The following GPHN variants were observed in gnomAD, a reference collection of about 807,000 sequenced individuals.
GPHN encodes gephyrin.
Under a neutral mutation model 95.5 loss-of-function variants are expected in GPHN, and 17 were observed. The ratio of observed to expected loss-of-function variants is 0.18; its 90% CI spans 0.12 to 0.27. The LOEUF is 0.27. Ranked by LOEUF, GPHN falls within the 10% of genes least tolerant of loss-of-function variation. The pLI is 1.00. For synonymous variants in GPHN, 320 were observed against 322.5 expected (o/e 0.99, Z 0.08); for missense variants, 660 against 978.1 (o/e 0.67, Z 4.34).
At chr14:67,382,706 C>A in the GPHN span, 2 of 1,170,462 alleles carry the variant, frequency 1.7e-6, no homozygotes, top group Non-Finnish European at 2.5e-6. Flanking sequence ...GTCATTCAGG[C>A]CTTTGATCAC....
chr14:66,827,214 G>T (rs543084124), intron 4 of GPHN, among the ~76,000 whole-genome samples: 18 of 152,108 alleles, frequency 1.2e-4, no homozygotes, highest in African/African-American at 4.3e-4. Context: ...GAACCTGAGA[G>T]TAGAGGTTTC....
At chr14:67,128,347 C>A (rs1160723531) in intron 17 of GPHN, among the ~76,000 whole-genome samples, 1 of 151,908 alleles carries the variant, frequency 6.6e-6, no homozygotes, top group South Asian at 2.1e-4. Flanking sequence ...ACATCTGCCT[C>A]CCGGGTTCAA....
the GPHN span, among the ~76,000 whole-genome samples, chr14:67,610,498 G>A: frequency 6.6e-6 from 1 of 152,154 alleles, no homozygotes; most frequent in Non-Finnish European, 1.5e-5. Context: ...ATGAGCTGCT[G>A]TTGCTTCCTC....
At chr14:67,458,200 T>C in the GPHN span, among the ~76,000 whole-genome samples, 1 of 152,266 alleles carries the variant, frequency 6.6e-6, no homozygotes, top group Admixed American at 6.5e-5. Context: ...TTAGAGTGCG[T>C]ACAGGGTGAC....
At chr14:67,221,655 A>C in the GPHN span, 2 of 1,455,564 alleles carry the variant, frequency 1.4e-6, no homozygotes, top group Non-Finnish European at 1.9e-6. Flanking sequence ...GGTTTGCTAA[A>C]CGTGTTTCAT....
At chr14:67,725,224 A>G in the GPHN span, 78 of 1,613,680 alleles carry the variant, frequency 4.8e-5, no homozygotes, top group Non-Finnish European at 6.3e-5. Context: ...CACCAAATCT[A>G]TCCGAGCCTT....
the GPHN span, among the ~76,000 whole-genome samples, chr14:67,458,863 G>C: frequency 6.6e-6 from 1 of 151,672 alleles, no homozygotes; most frequent in African/African-American, 2.4e-5. Context: ...GACTACCAAA[G>C]TGCACCACTA....
At chr14:67,040,350 C>G (rs2074635521) in intron 10 of GPHN, among the ~76,000 whole-genome samples, 1 of 152,000 alleles carries the variant, frequency 6.6e-6, no homozygotes, top group Non-Finnish European at 1.5e-5. Flanking sequence ...GACATGATGC[C>G]TCTTTACCCC....
At chr14:67,711,534 G>A in the GPHN span, among the ~76,000 whole-genome samples, 14 of 152,030 alleles carry the variant, frequency 9.2e-5, no homozygotes, top group African/African-American at 3.4e-4. Flanking sequence ...TTTTCTTTAA[G>A]CCAATTAATT....
intron 1 of GPHN, among the ~76,000 whole-genome samples, chr14:66,588,849 C>T (rs1741149459): frequency 6.6e-6 from 1 of 152,110 alleles, no homozygotes; most frequent in African/African-American, 2.4e-5. Context: ...CCTAGCAAGA[C>T]AGGCCAACAT....
chr14:67,016,401 A>G (rs2073314352), intron 9 of GPHN, among the ~76,000 whole-genome samples: 1 of 152,100 alleles, frequency 6.6e-6, no homozygotes, highest in South Asian at 2.1e-4. Flanking sequence ...CTATAATTTG[A>G]AATCATTATA....
At chr14:67,593,613 TTAAAAA>T in the GPHN span, 4 of 611,176 alleles carry the variant, frequency 6.5e-6, no homozygotes, top group African/African-American at 1.8e-5. Flanking sequence ...CTGCATCTCT[TTAAAAA>T]TAAAGAGATT....
chr14:66,854,062 A>ACGGCCGGGCGCGGTGG (rs1478673724), intron 4 of GPHN, among the ~76,000 whole-genome samples: 2 of 152,334 alleles, frequency 1.3e-5, no homozygotes, highest in African/African-American at 4.8e-5. Context: ...AAATATTGAG[A>ACGGCCGGGCGCGGTGG]CTTTACTAGT....
At chr14:66,520,332 T>G (rs2139801418) in intron 1 of GPHN, among the ~76,000 whole-genome samples, 1 of 152,268 alleles carries the variant, frequency 6.6e-6, no homozygotes, top group South Asian at 2.1e-4. Context: ...CTTCATTGGG[T>G]ATTAGCTTTT....
the GPHN span, among the ~76,000 whole-genome samples, chr14:67,537,266 C>T: frequency 1.4e-5 from 2 of 147,694 alleles, no homozygotes; most frequent in African/African-American, 5.1e-5. Flanking sequence ...ATTATTTGAA[C>T]CCGGGAGGCG....
intron 1 of GPHN, among the ~76,000 whole-genome samples, chr14:66,539,060 A>G (rs2059249722): frequency 6.6e-6 from 1 of 152,160 alleles, no homozygotes; most frequent in Non-Finnish European, 1.5e-5. Context: ...TTTGATTGAA[A>G]GACTGTCAGA....
At chr14:67,534,752 A>AG in the GPHN span, among the ~76,000 whole-genome samples, 2 of 152,092 alleles carry the variant, frequency 1.3e-5, no homozygotes, top group Non-Finnish European at 2.9e-5. Flanking sequence ...AGAAGTCACC[A>AG]GCTGTAGGGG....
At chr14:66,663,188 G>A (rs2065758016) in intron 1 of GPHN, among the ~76,000 whole-genome samples, 1 of 152,208 alleles carries the variant, frequency 6.6e-6, no homozygotes, top group Admixed American at 6.5e-5. Context: ...ATTCTCCAAG[G>A]TCAAAATGAA....
intron 9 of GPHN, among the ~76,000 whole-genome samples, chr14:66,973,052 T>TAA (rs1377438231): frequency 6.6e-6 from 1 of 152,210 alleles, no homozygotes; most frequent in African/African-American, 2.4e-5. Context: ...TGGATCAACT[T>TAA]AAAGAACCAT....
Sources: gnomAD v4.1 joint callset for allele counts (sites outside exome capture counted in the v4.1 genomes callset) on GRCh38, gnomAD v4.1.1 for gene constraint, MANE v1.5 for transcripts, NCBI Gene and HGNC (gene_info 2026-07-23, HGNC 2026-07-21) for gene names.